Variants in GDAP2 observed in about 807,000 individuals in gnomAD.
The protein encoded by GDAP2 is ganglioside-induced differentiation-associated protein 2.
GDAP2 carries 51 observed loss-of-function variants against 67.0 expected under a neutral mutation model. That is an observed-to-expected ratio of 0.76 (90% CI 0.61 to 0.96). The LOEUF (loss-of-function observed/expected upper bound fraction) is 0.96, where lower values mean the gene tolerates loss of function less well. Ranked by LOEUF, GDAP2 falls within the 40% of genes least tolerant of loss-of-function variation. The pLI, the probability that GDAP2 is intolerant of heterozygous loss-of-function variation, is 0.00. For synonymous variants in GDAP2, 203 were observed against 207.3 expected (o/e 0.98, Z 0.18); for missense variants, 547 against 588.3 (o/e 0.93, Z 0.73).
chr1:117,877,517 T>C (rs747633808), intron 13 of GDAP2: 12 of 975,276 alleles, frequency 1.2e-5, no homozygotes, highest in Non-Finnish European at 1.3e-5. Context: ...AACGCATCTA[T>C]AAATAACAAC....
intron 10 of GDAP2, among the ~76,000 whole-genome samples, chr1:117,884,122 T>C (rs928429359): frequency 6.6e-6 from 1 of 152,156 alleles, no homozygotes; most frequent in African/African-American, 2.4e-5. Flanking sequence ...AAAGATGTAA[T>C]GAGTGGTGCC....
At chr1:117,896,614 T>C in intron 8 of GDAP2, 1 of 383,388 alleles carries the variant, frequency 2.6e-6, no homozygotes. Context: ...GACATGTATC[T>C]GACCACTGGT....
At chr1:117,928,304 G>A (rs1229276759) in intron 1 of GDAP2, among the ~76,000 whole-genome samples, 2 of 152,182 alleles carry the variant, frequency 1.3e-5, no homozygotes, top group African/African-American at 4.8e-5. Flanking sequence ...TAGCATTGAT[G>A]TCACTTACCT....
chr1:117,912,696 GAA>G lies in GDAP2; in HGVS notation c.317-15_317-14del. The stretch of plus-strand genomic sequence containing the variant: ...CCTGTTCGGCACCCTGAAAACAATG[GAA>G]ACACACATAAGTTTGGATGTGTTAG... On this transcript the variant is annotated splice_polypyrimidine_tract_variant and intron_variant, in intron 3 of 13. Transcript: ENST00000369443. The G allele has an allele frequency of 6.2e-7, 1 of 1,608,936 alleles. No homozygotes were observed.
At chr1:117,891,114 G>C (rs1004011667) in intron 8 of GDAP2, among the ~76,000 whole-genome samples, 1 of 149,814 alleles carries the variant, frequency 6.7e-6, no homozygotes, top group East Asian at 2.0e-4. Flanking sequence ...TTTTGGATAT[G>C]GCATACTTAA....
At position 117,870,269 on chromosome 1, in the gene GDAP2, G is replaced by A. The variant is rs1648210271; in HGVS notation, c.*300C>T. Reference sequence around the variant, plus strand: ...TGGTGGTTTATCTAATGGAGAATTCGGTGTCCTTCAGGAAACTAAAGATAC... The same window carrying A: ...TGGTGGTTTATCTAATGGAGAATTCAGTGTCCTTCAGGAAACTAAAGATAC... On this transcript the variant is annotated 3_prime_UTR_variant, in exon 14 of 14. Coordinates refer to ENST00000369443, the MANE Select transcript of GDAP2 (RefSeq NM_017686.4). 1.3e-5 allele frequency: 5 copies of A among 387,898 alleles called. No individual in the cohort carries two copies. The highest frequency in any genetic ancestry group is 2.3e-5 in the Non-Finnish European group (5 of 214,420). 24.0% of individuals were successfully genotyped at this position (387,898 alleles called of 1,614,324 possible). A position where few individuals can be genotyped will look rare whatever the true frequency, so the allele number is the denominator to read the frequency against.
At chr1:117,925,234 C>T (rs924893197) in intron 1 of GDAP2, among the ~76,000 whole-genome samples, 1 of 152,138 alleles carries the variant, frequency 6.6e-6, no homozygotes, top group Non-Finnish European at 1.5e-5. Flanking sequence ...GGGGAGATCA[C>T]TTGAGCCCAG....
At position 117,907,157 on chromosome 1, in the gene GDAP2, C is replaced by G. The variant is rs1465645195; in HGVS notation, c.560-575G>C. On this transcript the variant is annotated intron_variant, in intron 5 of 13. Coordinates refer to ENST00000369443, the MANE Select transcript of GDAP2 (RefSeq NM_017686.4). ...ATTCTTCTTTATCAACTTCTAATAA[C>G]AAGACCTACTGGCCTTTACTTCAGT... is the stretch of plus-strand genomic sequence containing the variant. 3.3e-5 allele frequency among the ~76,000 whole-genome samples: 5 copies of G among 152,194 alleles called. No individual in the cohort carries two copies. In the East Asian group the frequency reaches 7.7e-4, roughly 23 times the overall value.
intron 1 of GDAP2, among the ~76,000 whole-genome samples, chr1:117,929,100 G>C (rs761138160): frequency 1.3e-5 from 2 of 152,126 alleles, no homozygotes; most frequent in Non-Finnish European, 2.9e-5. Flanking sequence ...CAGTCCACAG[G>C]AACGGCAACA....
chr1:117,928,877 G>A (rs1244459966), intron 1 of GDAP2, among the ~76,000 whole-genome samples: 2 of 152,200 alleles, frequency 1.3e-5, no homozygotes, highest in Non-Finnish European at 2.9e-5. Flanking sequence ...AGAGAGAAAA[G>A]CTAATTCCCA....
At position 117,868,825 on chromosome 1, in the gene GDAP2, T is replaced by C. The variant is rs1648162239; in HGVS notation, c.*1744A>G. On this transcript the variant is annotated 3_prime_UTR_variant, in exon 14 of 14. Coordinates refer to ENST00000369443, the MANE Select transcript of GDAP2 (RefSeq NM_017686.4). ...CCTGGATGTGATGACCTAGGGGACATAAGAGAAAATCTTAACATAGATGTA... is the reference window on the plus strand; with the variant it reads ...CCTGGATGTGATGACCTAGGGGACACAAGAGAAAATCTTAACATAGATGTA... 2 of 152,216 alleles carry C rather than the reference T, an allele frequency of 1.3e-5. No individual in the cohort carries two copies. The highest frequency in any genetic ancestry group is 2.4e-5 in the African/African-American group (1 of 41,554). 9.4% of individuals were successfully genotyped at this position (152,216 alleles called of 1,614,324 possible).
chr1:117,912,215 A>C lies in GDAP2; in HGVS notation c.471-133T>G. On this transcript the variant is annotated intron_variant, in intron 4 of 13. Coordinates refer to ENST00000369443, the MANE Select transcript of GDAP2 (RefSeq NM_017686.4). ...TTCAACAAATCTACTATAATAGCTA[A>C]CCCAACTGTACCACTCAATAATTCT... 3 of 646,530 alleles carry C rather than the reference A, an allele frequency of 4.6e-6. No homozygotes were observed. The South Asian group carries it at 5.6e-5, about 12-fold the overall frequency. 40.0% of individuals were successfully genotyped at this position (646,530 alleles called of 1,614,324 possible).
At chr1:117,884,017 C>G (rs776474587) in intron 10 of GDAP2, among the ~76,000 whole-genome samples, 1 of 152,174 alleles carries the variant, frequency 6.6e-6, no homozygotes, top group Non-Finnish European at 1.5e-5. Flanking sequence ...TACTTTTAAT[C>G]ATTTTTGAAG....
At chr1:117,871,754 A>G (rs772218993) in intron 13 of GDAP2, among the ~76,000 whole-genome samples, 1 of 148,016 alleles carries the variant, frequency 6.8e-6, no homozygotes, top group Non-Finnish European at 1.5e-5. Context: ...CAAACAAAAT[A>G]AAAAAAATAG....
intron 8 of GDAP2, among the ~76,000 whole-genome samples, chr1:117,891,784 T>TA (rs147812935): frequency 0.34 from 51,321 of 151,908 alleles, 10,385 homozygotes; most frequent in Non-Finnish European, 0.45. Flanking sequence ...TTCATGTCTT[T>TA]AAAAAAATCT....
intron 5 of GDAP2, among the ~76,000 whole-genome samples, chr1:117,909,309 A>AAT (rs1207436592): frequency 1.3e-5 from 2 of 152,176 alleles, no homozygotes; most frequent in East Asian, 3.8e-4. Flanking sequence ...TGGATGAATA[A>AAT]ATAACCTGAT....
intron 12 of GDAP2, among the ~76,000 whole-genome samples, chr1:117,881,566 A>C (rs568116232): frequency 6.6e-6 from 1 of 152,284 alleles, no homozygotes; most frequent in East Asian, 1.9e-4. Context: ...ACAACAGCAT[A>C]AATGAGGCCC....
intron 1 of GDAP2, among the ~76,000 whole-genome samples, chr1:117,928,994 T>C (rs1209437489): frequency 6.6e-6 from 1 of 152,092 alleles, no homozygotes; most frequent in Non-Finnish European, 1.5e-5. Context: ...CAGGCCAGTG[T>C]CACTCCAGGG....
intron 1 of GDAP2, among the ~76,000 whole-genome samples, chr1:117,926,130 A>G (rs1236446356): frequency 6.6e-6 from 1 of 152,136 alleles, no homozygotes; most frequent in African/African-American, 2.4e-5. Context: ...TGACTTTTTA[A>G]GAGTAATTTG....
Sources: gnomAD v4.1 joint callset for allele counts (sites outside exome capture counted in the v4.1 genomes callset) on GRCh38, gnomAD v4.1.1 for gene constraint, MANE v1.5 for transcripts, NCBI Gene and HGNC (gene_info 2026-07-23, HGNC 2026-07-21) for gene names.